Variants in CNN3 observed in about 807,000 individuals in gnomAD.
CNN3 encodes calponin-3.
CNN3 carries 11 observed loss-of-function variants against 39.0 expected under a neutral mutation model. The ratio of observed to expected loss-of-function variants is 0.28; its 90% CI spans 0.18 to 0.47. The LOEUF (loss-of-function observed/expected upper bound fraction) is 0.47. CNN3 is among the 20% of genes least tolerant of loss of function. The pLI, the probability that CNN3 is intolerant of heterozygous loss-of-function variation, is 0.99. For missense variants in CNN3, 266 were observed against 403.4 expected (o/e 0.66, Z 2.92); for synonymous variants, 101 against 138.3 (o/e 0.73, Z 1.89).
Position 94,898,036 on chromosome 1 carries a change from C to A in CNN3, c.696G>T (p.Lys232Asn). ...PGTRRDIYDQ[K>N]LTLQPVDNST... ...AGTTGTCCACCGGCTGTAATGTTAG[C>A]TTCTGATCATAGATGTCTCTTCTGG... The change falls in exon 7 of 7, where the codon AAG (lysine) becomes AAT (asparagine). Residue 232 changes from lysine (K) to asparagine (N), a missense_variant. By Grantham distance (94) the Lys-to-Asn change is moderately conservative (BLOSUM62 0). Transcript: ENST00000370206. The A allele has an allele frequency of 6.2e-7, 1 of 1,614,078 alleles. No homozygotes were observed. The highest frequency in any genetic ancestry group is 8.5e-7 in the Non-Finnish European group (1 of 1,179,976).
intron 5 of CNN3, among the ~76,000 whole-genome samples, chr1:94,900,866 CTT>C (rs964621693): frequency 6.6e-6 from 1 of 152,146 alleles, no homozygotes; most frequent in Non-Finnish European, 1.5e-5. Context: ...AAATAAGTGA[CTT>C]TGGCATTAAG....
intron 4 of CNN3, 25 bp downstream of exon 4, chr1:94,902,096 C>G: frequency 6.3e-7 from 1 of 1,593,662 alleles, no homozygotes; most frequent in Non-Finnish European, 8.6e-7. Context: ...AATCTGTTAA[C>G]CAGCCATTAA....
chr1:94,919,123 T>C (rs775580326), intron 1 of CNN3, among the ~76,000 whole-genome samples: 2 of 152,140 alleles, frequency 1.3e-5, no homozygotes, highest in Non-Finnish European at 2.9e-5. Flanking sequence ...ATAATGCGTC[T>C]GTATGTAAGC....
intron 1 of CNN3, among the ~76,000 whole-genome samples, chr1:94,909,380 T>C (rs1671099589): frequency 1.3e-5 from 2 of 152,140 alleles, no homozygotes; most frequent in African/African-American, 4.8e-5. Context: ...CTAGGAACAA[T>C]GTCTAAAACA....
At position 94,896,972 on chromosome 1, in the gene CNN3, A is replaced by T. The variant is rs1289693392; in HGVS notation, c.*770T>A. On this transcript the variant is annotated 3_prime_UTR_variant, in exon 7 of 7. Coordinates refer to ENST00000370206, the MANE Select transcript of CNN3 (RefSeq NM_001839.5). ...GTGGTTCATATGAAAGTTCAAAAAAAATATTTATTTATAAAAAATACAATG... is the reference window on the plus strand; with the variant it reads ...GTGGTTCATATGAAAGTTCAAAAAATATATTTATTTATAAAAAATACAATG... 2 of 152,254 alleles carry T rather than the reference A, an allele frequency of 1.3e-5. No individual in the cohort carries two copies. The highest frequency in any genetic ancestry group is 2.4e-5 in the African/African-American group (1 of 41,456). 9.4% of individuals were successfully genotyped at this position (152,254 alleles called of 1,614,324 possible).
At chr1:94,918,906 A>C (rs1671362965) in intron 1 of CNN3, among the ~76,000 whole-genome samples, 1 of 151,888 alleles carries the variant, frequency 6.6e-6, no homozygotes, top group Non-Finnish European at 1.5e-5. Flanking sequence ...AAAAAAAAAA[A>C]AGTTCATAAG....
chr1:94,915,502 C>T lies in CNN3; in HGVS notation c.57+11336G>A, dbSNP rs546942223. Among the ~76,000 whole-genome samples, 7 of 152,312 alleles carry T rather than the reference C, an allele frequency of 4.6e-5. No homozygotes were observed. In the South Asian group the frequency reaches 1.0e-3, roughly 23 times the overall value. ...CAGTAAAGGTGAACTCCATATTTTACATAATTGTAATGCAATCTGAGAGCA... is the reference window on the plus strand; with the variant it reads ...CAGTAAAGGTGAACTCCATATTTTATATAATTGTAATGCAATCTGAGAGCA... On this transcript the variant is annotated intron_variant, in intron 1 of 6. Coordinates refer to ENST00000370206, the MANE Select transcript of CNN3 (RefSeq NM_001839.5).
intron 1 of CNN3, among the ~76,000 whole-genome samples, chr1:94,904,364 C>A (rs913446976): frequency 2.6e-5 from 4 of 151,988 alleles, no homozygotes; most frequent in Admixed American, 2.0e-4. Flanking sequence ...AAAATTTAAA[C>A]AAAATATTGT....
intron 1 of CNN3, among the ~76,000 whole-genome samples, chr1:94,919,716 A>T (rs1671390330): frequency 6.6e-6 from 1 of 152,192 alleles, no homozygotes; most frequent in African/African-American, 2.4e-5. Flanking sequence ...GCAGAGGGGA[A>T]ATAACCATAA....
rs1385897762 is a variant in CNN3, at chr1:94,902,170, T to G, written c.335A>C (p.Asn112Thr). The G allele has an allele frequency of 6.2e-7, 1 of 1,613,706 alleles. No homozygotes were observed. The highest frequency in any genetic ancestry group is 2.2e-5 in the East Asian group (1 of 44,886). Residue 112 changes from asparagine to threonine, a missense_variant, in exon 4 of 7, where the codon AAT becomes ACT. Asn to Thr is a moderately conservative substitution (Grantham distance 65). Transcript: ENST00000370206. ...AGTCTGAACCTGGGTCATGTTTCCATTCTCAAAAAGATCATTTGCTTCGAA... is the reference window on the plus strand; with the variant it reads ...AGTCTGAACCTGGGTCATGTTTCCAGTCTCAAAAAGATCATTTGCTTCGAA... ...DIFEANDLFE[N>T]GNMTQVQTTL...
At position 94,901,895 on chromosome 1, in the gene CNN3, T is replaced by G. The variant is rs553019399; in HGVS notation, c.385-110A>C. Reference sequence around the variant, plus strand: ...AGGGGCCCAAACTAGAGATAAAAAGTATTTAAGGCTGTTCAATAATATACT... The same window carrying G: ...AGGGGCCCAAACTAGAGATAAAAAGGATTTAAGGCTGTTCAATAATATACT... On this transcript the variant is annotated intron_variant, in intron 4 of 6. Coordinates refer to ENST00000370206, the MANE Select transcript of CNN3 (RefSeq NM_001839.5). The G allele has an allele frequency of 1.2e-5, 9 of 773,332 alleles. No individual in the cohort carries two copies. The East Asian group carries it at 2.1e-4, about 18-fold the overall frequency. The allele number at this position is 773,332 out of a possible 1,614,324, so 47.9% of individuals were successfully genotyped here.
Position 94,897,948 on chromosome 1 carries a change from C to G in CNN3, c.784G>C (p.Gly262Arg). ...GGATCATATACTTGCCGCCCAAGCC[C>G]ATACACACTCATTCCTTTCTGGGAA... The part of the protein sequence containing the change: ...VASQKGMSVY[G>R]LGRQVYDPKY... Residue 262 changes from glycine to arginine, a missense_variant, in exon 7 of 7, where the codon GGG becomes CGG. Gly to Arg is a moderately radical substitution (Grantham distance 125). Transcript: ENST00000370206. 1 of 1,614,094 alleles carries G rather than the reference C, an allele frequency of 6.2e-7. No individual in the cohort carries two copies. Among genetic ancestry groups the G allele is most frequent in the Non-Finnish European group, 8.5e-7 (1 of 1,180,004 alleles).
At chr1:94,898,395 C>G (rs1412422662) in intron 6 of CNN3, among the ~76,000 whole-genome samples, 1 of 152,188 alleles carries the variant, frequency 6.6e-6, no homozygotes, top group Non-Finnish European at 1.5e-5. Flanking sequence ...TTACTACCTA[C>G]TCTGGATTTA....
chr1:94,914,246 AC>A (rs1282364631), intron 1 of CNN3, among the ~76,000 whole-genome samples: 1 of 152,082 alleles, frequency 6.6e-6, no homozygotes, highest in Non-Finnish European at 1.5e-5. Context: ...TCTTTCCATA[AC>A]GACAAGGCAC....
chr1:94,899,578 A>G lies in CNN3; in HGVS notation c.502-61T>C, dbSNP rs2275611. On this transcript the variant is annotated intron_variant, in intron 5 of 6. Coordinates refer to ENST00000370206, the MANE Select transcript of CNN3 (RefSeq NM_001839.5). Reference sequence around the variant, plus strand: ...GATGTCAACAATATACACAACACAAACAAAACTTTCCATGCTACCAAAAAG... The same window carrying G: ...GATGTCAACAATATACACAACACAAGCAAAACTTTCCATGCTACCAAAAAG... The G allele has an allele frequency of 1.5e-4, 226 of 1,536,166 alleles. No individual in the cohort carries two copies. In the East Asian group the frequency reaches 5.1e-3, roughly 34 times the overall value.
chr1:94,907,723 G>A (rs554385197), intron 1 of CNN3, among the ~76,000 whole-genome samples: 223 of 152,292 alleles, frequency 1.5e-3, no homozygotes, highest in African/African-American at 2.3e-3. Flanking sequence ...AGACGGGTGT[G>A]GTGGCGGGCG....
chr1:94,921,506 G>C (rs545502655), intron 1 of CNN3, among the ~76,000 whole-genome samples: 1 of 152,006 alleles, frequency 6.6e-6, no homozygotes, highest in Non-Finnish European at 1.5e-5. Flanking sequence ...TTTTTATGCC[G>C]CAGATCAGAT....
At chr1:94,907,596 C>G (rs1398894343) in intron 1 of CNN3, among the ~76,000 whole-genome samples, 1 of 152,240 alleles carries the variant, frequency 6.6e-6, no homozygotes, top group Non-Finnish European at 1.5e-5. Flanking sequence ...CGCAGTGGCT[C>G]ACGCCTGTAA....
At chr1:94,924,179 A>C (rs569010294) in intron 1 of CNN3, 51 of 152,354 alleles carry the variant, frequency 3.3e-4, no homozygotes, top group African/African-American at 1.2e-3. Context: ...CCCACCTTTC[A>C]CCCGGGAGTC....
Sources: allele counts gnomAD v4.1 joint callset (sites outside exome capture counted in the v4.1 genomes callset), GRCh38; gene constraint gnomAD v4.1.1; transcripts MANE v1.5; gene names NCBI Gene and HGNC (gene_info 2026-07-23, HGNC 2026-07-21).